Variants in FMN2 observed in about 807,000 individuals in gnomAD.
FMN2 encodes formin 2, also known as formin-2.
In FMN2, 51 loss-of-function variants were observed where a neutral mutation model predicts 142.3. That is an observed-to-expected ratio of 0.36 (90% CI 0.29 to 0.45). The LOEUF is 0.45. FMN2 is among the 20% of genes least tolerant of loss of function. The pLI is 1.00. For missense variants in FMN2, 1,936 were observed against 2,122.8 expected, an observed-to-expected ratio of 0.91 and a Z score of 1.73; for synonymous variants, 882 against 869.8, an observed-to-expected ratio of 1.01 and a Z score of -0.25.
rs1160344260 is a variant in FMN2 at position 240,427,251 on chromosome 1, G to C, written c.4911-10810G>C. Among the ~76,000 whole-genome samples the C allele has an allele frequency of 2.7e-5, 4 of 150,754 alleles. No individual in the cohort carries two copies. In the South Asian group the frequency reaches 6.3e-4, roughly 24 times the overall value. The stretch of plus-strand genomic sequence containing the variant: ...AGACAGAGTCTCGCCTGTCTCCCAG[G>C]CTGGAGTGCAGTAGTGCTATCTCGG... On this transcript the variant is annotated intron_variant, in intron 15 of 17. Coordinates refer to ENST00000319653, the MANE Select transcript of FMN2 (RefSeq NM_020066.5).
intron 15 of FMN2, among the ~76,000 whole-genome samples, chr1:240,427,431 T>C (rs1674995618): frequency 6.6e-6 from 1 of 151,850 alleles, no homozygotes. Flanking sequence ...GGTCTCCATC[T>C]CCTGACCTTG....
At chr1:240,121,739 A>AAAAAAAG (rs1662266192) in intron 1 of FMN2, among the ~76,000 whole-genome samples, 1 of 136,424 alleles carries the variant, frequency 7.3e-6, no homozygotes, top group Non-Finnish European at 1.5e-5. Flanking sequence ...AAATAGTAAA[A>AAAAAAAG]AAAAAAAAAA....
At chr1:240,183,436 G>A (rs574604802) in intron 3 of FMN2, among the ~76,000 whole-genome samples, 37 of 146,854 alleles carry the variant, frequency 2.5e-4, no homozygotes, top group Middle Eastern at 7.4e-3. Context: ...TATATGATTA[G>A]GTTATGATTA....
chr1:240,334,701 C>T (rs1029719252), intron 13 of FMN2, among the ~76,000 whole-genome samples: 1 of 152,080 alleles, frequency 6.6e-6, no homozygotes, highest in Admixed American at 6.6e-5. Context: ...ACCAGTCAAG[C>T]TTTACATAAA....
intron 3 of FMN2, among the ~76,000 whole-genome samples, chr1:240,187,703 C>G (rs1308059176): frequency 6.6e-6 from 1 of 152,118 alleles, no homozygotes; most frequent in Non-Finnish European, 1.5e-5. Context: ...GACATGAGGA[C>G]TAAAAGAGAA....
intron 16 of FMN2, among the ~76,000 whole-genome samples, chr1:240,470,159 G>T (rs1354239816): frequency 6.8e-6 from 1 of 148,108 alleles, no homozygotes; most frequent in Non-Finnish European, 1.5e-5. Context: ...GCTTTAAAAA[G>T]CTCCAAGTAA....
rs1026284855 is a variant in FMN2 at position 240,328,352 on chromosome 1, A to G, written c.4216-724A>G. Among the ~76,000 whole-genome samples, 13 of 151,672 alleles carry G rather than the reference A, an allele frequency of 8.6e-5. No homozygotes were observed. The East Asian group carries it at 2.1e-3, about 25-fold the overall frequency. On this transcript the variant is annotated intron_variant, in intron 8 of 17. Transcript: ENST00000319653. ...TTAGTATCAAATTACTTCCAAATTC[A>G]ACTTGACTTCTGAATAAGAAATACT...
At chr1:240,331,111 A>G (rs1489126325) in intron 11 of FMN2, among the ~76,000 whole-genome samples, 1 of 145,358 alleles carries the variant, frequency 6.9e-6, no homozygotes, top group Non-Finnish European at 1.5e-5. Context: ...TTTTCTATGA[A>G]TTAGACAGTA....
At chr1:240,154,337 G>A (rs1663924103) in intron 2 of FMN2, among the ~76,000 whole-genome samples, 1 of 152,078 alleles carries the variant, frequency 6.6e-6, no homozygotes, top group Non-Finnish European at 1.5e-5. Flanking sequence ...GTGGAGGAAG[G>A]CCCCATTCTA....
intron 15 of FMN2, among the ~76,000 whole-genome samples, chr1:240,399,605 A>C (rs1001537053): frequency 1.4e-4 from 22 of 152,208 alleles, no homozygotes; most frequent in Admixed American, 6.5e-4. Flanking sequence ...CTGAGTCAGC[A>C]GGCTGCCAGA....
At chr1:240,339,487 G>C (rs1479887570) in intron 13 of FMN2, among the ~76,000 whole-genome samples, 1 of 151,682 alleles carries the variant, frequency 6.6e-6, no homozygotes, top group Non-Finnish European at 1.5e-5. Context: ...ATTCTCCATG[G>C]ATAAGGGAAC....
At chr1:240,459,285 T>C (rs1676356640) in intron 16 of FMN2, 1 of 152,188 alleles carries the variant, frequency 6.6e-6, no homozygotes, top group South Asian at 2.1e-4. Flanking sequence ...AAATGGAGTG[T>C]GAACCTTGCT....
chr1:240,350,372 A>G (rs750555265), intron 13 of FMN2, among the ~76,000 whole-genome samples: 8 of 152,192 alleles, frequency 5.3e-5, no homozygotes, highest in Non-Finnish European at 1.2e-4. Context: ...GGCCTTGATT[A>G]TGGGCATCAT....
intron 1 of FMN2, among the ~76,000 whole-genome samples, chr1:240,121,052 T>C (rs1290911950): frequency 6.6e-6 from 1 of 152,058 alleles, no homozygotes; most frequent in African/African-American, 2.4e-5. Context: ...TCCCAGCTAC[T>C]TGGGAGGCTG....
At position 240,208,420 on chromosome 1, in the gene FMN2, G is replaced by A. The variant is rs1381318697; in HGVS notation, c.3608G>A (p.Gly1203Asp). The A allele has an allele frequency of 1.3e-6, 2 of 1,588,584 alleles. No homozygotes were observed. The highest frequency in any genetic ancestry group is 1.1e-5 in the South Asian group (1 of 90,080). Residue 1203 changes from glycine to aspartate, a missense_variant, in exon 5 of 18, where the codon GGT (glycine) becomes GAT (aspartate). Coordinates refer to ENST00000319653, the MANE Select transcript of FMN2 (RefSeq NM_020066.5). ...ATACCTCCTCCGCCCCCTCTACCTG[G>A]TGCTGGGATTCCCCCACCTCCTCCC... ...VGIPPPPPLP[G>D]AGIPPPPPLP... is the part of the protein sequence containing the mutation.
chr1:240,334,063 T>C, intron 12 of FMN2, 46 bp from the exon 13 acceptor site: 1 of 1,572,722 alleles, frequency 6.4e-7, no homozygotes, highest in Non-Finnish European at 8.6e-7. Flanking sequence ...CTTTTTTATA[T>C]TGATAACCAA....
chr1:240,468,291 T>TATACATATGCACACACAC (rs1676696579), intron 16 of FMN2, among the ~76,000 whole-genome samples: 2 of 151,992 alleles, frequency 1.3e-5, no homozygotes, highest in African/African-American at 4.8e-5. Context: ...CACACACACA[T>TATACATATGCACACACAC]ATACATATGC....
intron 8 of FMN2, among the ~76,000 whole-genome samples, chr1:240,324,689 G>A (rs373798656): frequency 3.0e-5 from 4 of 134,598 alleles, no homozygotes; most frequent in African/African-American, 1.1e-4. Context: ...GAGAGAGAGA[G>A]AGAGAGGGAG....
chr1:240,257,431 C>T (rs988312380), intron 6 of FMN2, among the ~76,000 whole-genome samples: 3 of 152,058 alleles, frequency 2.0e-5, no homozygotes, highest in Admixed American at 6.6e-5. Flanking sequence ...TCTATGTGAC[C>T]CAAGTGAAAG....
Sources: gnomAD v4.1 joint callset for allele counts (sites outside exome capture counted in the v4.1 genomes callset) on GRCh38, gnomAD v4.1.1 for gene constraint, MANE v1.5 for transcripts, NCBI Gene and HGNC (gene_info 2026-07-23, HGNC 2026-07-21) for gene names.